The following C2orf42 variants were observed in gnomAD, a reference collection of about 807,000 sequenced individuals.
C2orf42 encodes the protein chromosome 2 open reading frame 42, also known as uncharacterized protein C2orf42.
A neutral mutation model predicts 58.9 loss-of-function variants in C2orf42; 44 were observed. The ratio of observed to expected loss-of-function variants is 0.75; its 90% CI spans 0.59 to 0.96. C2orf42 has a LOEUF of 0.96. Ranked by LOEUF, C2orf42 falls within the 40% of genes least tolerant of loss-of-function variation. The pLI is 0.00. For missense variants in C2orf42, 630 were observed against 699.2 expected (o/e 0.90, Z 1.12); for synonymous variants, 239 against 265.4 (o/e 0.90, Z 0.97).
intron 9 of C2orf42, among the ~76,000 whole-genome samples, chr2:70,157,591 A>G (rs902623353): frequency 6.6e-6 from 1 of 150,988 alleles, no homozygotes; most frequent in Non-Finnish European, 1.5e-5. Context: ...GAGGTTAGAA[A>G]TTCGAGACCA....
At chr2:70,172,168 G>T in intron 5 of C2orf42, among the ~76,000 whole-genome samples, 1 of 148,996 alleles carries the variant, frequency 6.7e-6, no homozygotes, top group East Asian at 2.0e-4. Flanking sequence ...AGGTTGCAGT[G>T]AGCTGAGATT....
Position 70,160,657 on chromosome 2 carries a change from C to A in C2orf42, c.1484G>T (p.Arg495Leu). Residue 495 changes from arginine (R) to leucine (L), a missense_variant, in exon 9 of 10, where the codon CGA becomes CTA. By Grantham distance (102) the Arg-to-Leu change is moderately radical. Coordinates refer to ENST00000264434, the MANE Select transcript of C2orf42 (RefSeq NM_017880.3). ...YGRIEKQPVL[R>L]PLELKTFLKV... is the part of the protein sequence containing the mutation. Reference sequence around the variant, plus strand: ...GAGAAAAGTTTTTAGTTCCAAGGGTCGCAGCACTGGTTGTTTTTCTATACG... The same window carrying A: ...GAGAAAAGTTTTTAGTTCCAAGGGTAGCAGCACTGGTTGTTTTTCTATACG... 6.2e-7 allele frequency: 1 copy of A among 1,608,918 alleles called. No individual in the cohort carries two copies. Among genetic ancestry groups the A allele is most frequent in the South Asian group, 1.1e-5 (1 of 90,088 alleles).
rs368286851 is a variant in C2orf42 at position 70,179,578 on chromosome 2, C to T, written c.888G>A (p.Glu296=). The change falls in exon 4 of 10, where the codon GAG becomes GAA. Residue 296 remains glutamate, a synonymous_variant. Coordinates refer to ENST00000264434, the MANE Select transcript of C2orf42 (RefSeq NM_017880.3). ...CHSESTVSAC[E]STASKSKKRR... ...TCTTCTTTGACTTAGAGGCAGTAGA[C>T]TCACAAGCAGATACTGTTGATTCTG... 5.1e-6 allele frequency: 8 copies of T among 1,573,774 alleles called. No homozygotes were observed. The African/African-American group carries it at 6.7e-5, about 13-fold the overall frequency.
At chr2:70,177,268 A>G (rs1027814052) in intron 4 of C2orf42, among the ~76,000 whole-genome samples, 5 of 144,328 alleles carry the variant, frequency 3.5e-5, no homozygotes, top group Admixed American at 2.7e-4. Context: ...GCCGAACTCC[A>G]CCTCAAAAAA....
At chr2:70,166,218 G>C (rs940044544) in intron 6 of C2orf42, among the ~76,000 whole-genome samples, 1 of 151,698 alleles carries the variant, frequency 6.6e-6, no homozygotes, top group South Asian at 2.1e-4. Context: ...GCCAGGCGTG[G>C]TGGTATGCAC....
intron 9 of C2orf42, among the ~76,000 whole-genome samples, chr2:70,158,518 C>T (rs189064526): frequency 9.9e-4 from 150 of 152,178 alleles, no homozygotes; most frequent in African/African-American, 3.5e-3. Flanking sequence ...GGCACGATCT[C>T]GGCTCACTGC....
intron 3 of C2orf42, among the ~76,000 whole-genome samples, chr2:70,180,450 A>G (rs1674478189): frequency 6.6e-6 from 1 of 151,742 alleles, no homozygotes; most frequent in African/African-American, 2.4e-5. Context: ...TCTACTAAAA[A>G]TACAAAAATT....
chr2:70,186,323 C>G (rs969098831), intron 1 of C2orf42, among the ~76,000 whole-genome samples: 15 of 152,038 alleles, frequency 9.9e-5, no homozygotes, highest in Admixed American at 5.9e-4. Flanking sequence ...TACACACACA[C>G]ACACACATAT....
At chr2:70,173,260 G>GT (rs1174518382) in intron 5 of C2orf42, among the ~76,000 whole-genome samples, 1 of 146,410 alleles carries the variant, frequency 6.8e-6, no homozygotes, top group African/African-American at 2.6e-5. Flanking sequence ...GCCTAAGTGC[G>GT]TAAGTTCTTT....
rs753748120 is a variant in C2orf42 at position 70,169,632 on chromosome 2, C to CT, written c.1068dup (p.Val357SerfsTer25). 6.2e-7 allele frequency: 1 copy of CT among 1,608,198 alleles called. No individual in the cohort carries two copies. The highest frequency in any genetic ancestry group is 2.2e-5 in the East Asian group (1 of 44,856). ...AGCCAGTCTTGGAAGGATAAAGTCACTTGTGCCTCATCTAACAGCTGACCA... is the reference window on the plus strand; with the variant it reads ...AGCCAGTCTTGGAAGGATAAAGTCACTTTGTGCCTCATCTAACAGCTGACCA... On this transcript the variant is annotated frameshift_variant, in exon 6 of 10. Coordinates refer to ENST00000264434, the MANE Select transcript of C2orf42 (RefSeq NM_017880.3). LOFTEE classifies it high-confidence loss of function.
At chr2:70,151,159 C>T (rs1424433735) in intron 9 of C2orf42, among the ~76,000 whole-genome samples, 2 of 152,146 alleles carry the variant, frequency 1.3e-5, no homozygotes, top group African/African-American at 4.8e-5. Context: ...TAAGACCAGC[C>T]TATGCAACAA....
At chr2:70,157,523 G>A (rs990413082) in intron 9 of C2orf42, among the ~76,000 whole-genome samples, 10 of 151,914 alleles carry the variant, frequency 6.6e-5, no homozygotes, top group South Asian at 2.1e-4. Flanking sequence ...ATAGCTGGGC[G>A]CGGTGGCTCA....
chr2:70,159,362 C>G (rs2104855051), intron 9 of C2orf42, among the ~76,000 whole-genome samples: 1 of 151,730 alleles, frequency 6.6e-6, no homozygotes, highest in African/African-American at 2.4e-5. Context: ...CCGAGGTGGG[C>G]AGATTGCCTG....
At chr2:70,171,983 G>A (rs886968838) in intron 5 of C2orf42, among the ~76,000 whole-genome samples, 2 of 151,528 alleles carry the variant, frequency 1.3e-5, no homozygotes, top group Non-Finnish European at 2.9e-5. Context: ...AGCACTTTGG[G>A]AGGCCAAGGC....
At chr2:70,176,926 C>T (rs1558678248) in intron 4 of C2orf42, among the ~76,000 whole-genome samples, 1 of 152,256 alleles carries the variant, frequency 6.6e-6, no homozygotes, top group East Asian at 1.9e-4. Context: ...AAATCAACAT[C>T]TCCAGACAAA....
intron 9 of C2orf42, among the ~76,000 whole-genome samples, chr2:70,154,696 C>T (rs9679269): frequency 0.45 from 68,475 of 151,576 alleles, 18,547 homozygotes; most frequent in African/African-American, 0.77. Flanking sequence ...TAGAATCTTA[C>T]CTATAACTTA....
intron 8 of C2orf42, among the ~76,000 whole-genome samples, chr2:70,161,313 C>T (rs1320363098): frequency 6.6e-6 from 1 of 152,114 alleles, no homozygotes; most frequent in Non-Finnish European, 1.5e-5. Context: ...CAGGGCATGG[C>T]TGGGAGGTCA....
chr2:70,167,357 CAA>C (rs1039619852), intron 6 of C2orf42, among the ~76,000 whole-genome samples: 10 of 103,016 alleles, frequency 9.7e-5, no homozygotes, highest in African/African-American at 1.1e-4. Flanking sequence ...GACTCTGTCT[CAA>C]AAAAAAAAAA....
chr2:70,172,407 G>A (rs548689148), intron 5 of C2orf42, among the ~76,000 whole-genome samples: 19 of 151,984 alleles, frequency 1.3e-4, no homozygotes, highest in African/African-American at 4.6e-4. Flanking sequence ...TCCGGGCACG[G>A]TGGCTCATGC....
Sources: gnomAD v4.1 joint callset for allele counts (sites outside exome capture counted in the v4.1 genomes callset) on GRCh38, gnomAD v4.1.1 for gene constraint, MANE v1.5 for transcripts, NCBI Gene and HGNC (gene_info 2026-07-23, HGNC 2026-07-21) for gene names.